Variants in DNAH17 observed in about 807,000 individuals in gnomAD.
DNAH17 encodes dynein axonemal heavy chain 17.
Under a neutral mutation model 485.6 loss-of-function variants are expected in DNAH17, and 376 were observed. The observed-to-expected ratio is 0.77, with a 90% CI of 0.71 to 0.84. The LOEUF (loss-of-function observed/expected upper bound fraction) is 0.84, where lower values mean the gene tolerates loss of function less well. Among genes scored for constraint, DNAH17 ranks in the 40% least tolerant of loss-of-function variants. The probability of loss-of-function intolerance (pLI) is 0.00; values close to 1 mark genes in which losing one functional copy is unlikely to be tolerated. For missense variants in DNAH17, 6,370 were observed against 5,839.3 expected (o/e 1.09, Z -2.96); for synonymous variants, 3,031 against 2,405.9 (o/e 1.26, Z -7.60).
intron 13 of DNAH17, among the ~76,000 whole-genome samples, chr17:78,559,846 T>G (rs55836228): frequency 2.0e-5 from 3 of 151,786 alleles, no homozygotes; most frequent in Admixed American, 1.3e-4. Flanking sequence ...TTGCTGCTCC[T>G]GGACTGCACC....
Position 78,567,275 on chromosome 17 carries a change from C to A in DNAH17, c.1285-109G>T, listed in dbSNP as rs2092282814. The A allele has an allele frequency of 8.5e-6, 10 of 1,171,830 alleles. No individual in the cohort carries two copies. In the East Asian group the frequency reaches 1.8e-4, roughly 21 times the overall value. 72.6% of individuals were successfully genotyped at this position (1,171,830 alleles called of 1,614,324 possible). On this transcript the variant is annotated intron_variant, in intron 9 of 80. Coordinates refer to ENST00000389840, the MANE Select transcript of DNAH17 (RefSeq NM_173628.4). The stretch of plus-strand genomic sequence containing the variant: ...AGGAGGAGCTGGGGAGCAAAATGTC[C>A]CCAGGAGACACCAACCATGGGGGTG...
chr17:78,467,449 G>A (rs1011641763), intron 55 of DNAH17, among the ~76,000 whole-genome samples: 4 of 152,240 alleles, frequency 2.6e-5, no homozygotes, highest in Admixed American at 2.6e-4. Context: ...GGACAGAGCC[G>A]GCACTGGCAG....
chr17:78,427,963 T>C (rs2086534176), intron 77 of DNAH17, among the ~76,000 whole-genome samples: 1 of 36,638 alleles, frequency 2.7e-5, no homozygotes, highest in Non-Finnish European at 5.1e-5. Context: ...CAAAACTCCG[T>C]CTCAAAAAAA....
At chr17:78,552,492 T>G (rs2091923854) in intron 15 of DNAH17, among the ~76,000 whole-genome samples, 1 of 150,626 alleles carries the variant, frequency 6.6e-6, no homozygotes, top group Admixed American at 6.7e-5. Context: ...CGGATTCCGT[T>G]TCTAAGTGAC....
At position 78,456,504 on chromosome 17, in the gene DNAH17, T is replaced by TG. The variant is rs200898624; in HGVS notation, c.9978-669dup. On this transcript the variant is annotated intron_variant, in intron 62 of 80. Coordinates refer to ENST00000389840, the MANE Select transcript of DNAH17 (RefSeq NM_173628.4). ...ACAGAGCACTGTCTCGACCAGCTGG[T>TG]GACAGAGCCCGGGTGAGGACCACGG... Among the ~76,000 whole-genome samples the TG allele has an allele frequency of 7.4e-3, 1,121 of 152,158 alleles. 16 individuals are homozygous for TG. Among genetic ancestry groups the TG allele is most frequent in the African/African-American group, 0.025 (1,032 of 41,500 alleles).
chr17:78,541,306 GGTGA>G (rs1431043836), intron 17 of DNAH17, among the ~76,000 whole-genome samples: 1 of 111,536 alleles, frequency 9.0e-6, no homozygotes, highest in South Asian at 3.6e-4. Flanking sequence ...GGGGTGGGTG[GGTGA>G]GTGAGTGGAT....
chr17:78,453,522 C>A, intron 64 of DNAH17, 57 bp from the exon 65 acceptor site: 1 of 1,599,278 alleles, frequency 6.3e-7, no homozygotes, highest in African/African-American at 1.3e-5. Context: ...TGGAACGGTG[C>A]GCACGCTCCG....
intron 20 of DNAH17, among the ~76,000 whole-genome samples, chr17:78,531,059 C>T (rs2091222851): frequency 6.6e-6 from 1 of 152,156 alleles, no homozygotes; most frequent in Non-Finnish European, 1.5e-5. Flanking sequence ...TCTGTTGGTC[C>T]CTGTGATCTA....
chr17:78,426,440 G>T lies in DNAH17; in HGVS notation c.12915+17C>A. ...TCCCCGAGTCTTAGGAAGCCTCTCA[G>T]AGAAAACGGCACTTACCCTGATGCG... On this transcript the variant is annotated intron_variant, in intron 79 of 80. Coordinates refer to ENST00000389840, the MANE Select transcript of DNAH17 (RefSeq NM_173628.4). The T allele has an allele frequency of 6.3e-7, 1 of 1,580,166 alleles. No homozygotes were observed. The highest frequency in any genetic ancestry group is 1.1e-5 in the South Asian group (1 of 87,006).
At chr17:78,461,461 G>A (rs1156765209) in intron 58 of DNAH17, 83 bp downstream of exon 58, 4 of 1,351,852 alleles carry the variant, frequency 3.0e-6, no homozygotes, top group Non-Finnish European at 3.9e-6. Context: ...GCCTGTCGGT[G>A]GCACCTGACC....
chr17:78,504,492 ACCCCAT>A (rs2090419677), intron 31 of DNAH17, among the ~76,000 whole-genome samples: 1 of 90,230 alleles, frequency 1.1e-5, no homozygotes, highest in Non-Finnish European at 2.5e-5. Context: ...CACCCCACCC[ACCCCAT>A]CCACGTAGAG....
At chr17:78,565,526 C>T (rs564067626) in intron 11 of DNAH17, among the ~76,000 whole-genome samples, 25 of 152,340 alleles carry the variant, frequency 1.6e-4, no homozygotes, top group African/African-American at 6.0e-4. Context: ...CCAGCCCAGG[C>T]TGCCCAGGCC....
In DNAH17 at chr17:78,475,738, C is replaced by G; in HGVS notation, c.8250G>C (p.Met2750Ile). ...CCACGAGGAGCTTGTTCAGAGGAGC[C>G]ATGTCGGTTACAGGAACATATTTGG... ...GDPKYVPVTD[M>I]APLNKLLVDV... is the part of the protein sequence containing the mutation. The change falls in exon 53 of 81, where the codon ATG becomes ATC. Residue 2750 changes from methionine (M) to isoleucine (I), a missense_variant. Transcript: ENST00000389840. 7 of 1,613,818 alleles carry G rather than the reference C, an allele frequency of 4.3e-6. No individual in the cohort carries two copies. Among genetic ancestry groups the G allele is most frequent in the Non-Finnish European group, 5.1e-6 (6 of 1,179,846 alleles).
rs1288724205 is a variant in DNAH17 at position 78,570,350 on chromosome 17, A to AC, written c.940dup (p.Val314GlyfsTer13). The AC allele has an allele frequency of 1.9e-6, 3 of 1,610,702 alleles. No individual in the cohort carries two copies. Among genetic ancestry groups the AC allele is most frequent in the Non-Finnish European group, 2.5e-6 (3 of 1,178,898 alleles). ...CCAGATGAAGCAGATGGTGTCCAGCACCTTGGCAATGAAGGTGGGGAGCTG... is the reference window on the plus strand; with the variant it reads ...CCAGATGAAGCAGATGGTGTCCAGCACCCTTGGCAATGAAGGTGGGGAGCTG... On this transcript the variant is annotated frameshift_variant, in exon 7 of 81. Coordinates refer to ENST00000389840, the MANE Select transcript of DNAH17 (RefSeq NM_173628.4). LOFTEE classifies it high-confidence loss of function.
chr17:78,499,344 C>A (rs1276373276), intron 36 of DNAH17: 1 of 377,092 alleles, frequency 2.7e-6, no homozygotes, highest in East Asian at 4.1e-5. Flanking sequence ...GCCTCCCAGA[C>A]CCCAGGATGG....
chr17:78,448,645 T>C (rs974101492), intron 69 of DNAH17, among the ~76,000 whole-genome samples: 1 of 152,340 alleles, frequency 6.6e-6, no homozygotes, highest in East Asian at 1.9e-4. Flanking sequence ...AAAAAGCATA[T>C]GTTGGAAACT....
intron 48 of DNAH17, among the ~76,000 whole-genome samples, chr17:78,484,147 C>T (rs557866778): frequency 1.4e-4 from 19 of 137,764 alleles, no homozygotes; most frequent in African/African-American, 4.8e-4. Context: ...TGAATGTTCT[C>T]ATCTTTCCAA....
At chr17:78,526,192 A>G (rs78869408) in intron 24 of DNAH17, among the ~76,000 whole-genome samples, 7,945 of 152,348 alleles carry the variant, frequency 0.052, 252 homozygotes, top group African/African-American at 0.06. Flanking sequence ...CAGTGGGAAC[A>G]GAGTGGGAAC....
chr17:78,559,336 C>A (rs2092101039), intron 13 of DNAH17, among the ~76,000 whole-genome samples: 1 of 152,220 alleles, frequency 6.6e-6, no homozygotes, highest in Non-Finnish European at 1.5e-5. Flanking sequence ...CACAGCAGCC[C>A]ATCCTCCCCT....
Sources: allele counts gnomAD v4.1 joint callset (sites outside exome capture counted in the v4.1 genomes callset), GRCh38; gene constraint gnomAD v4.1.1; transcripts MANE v1.5; gene names NCBI Gene and HGNC (gene_info 2026-07-23, HGNC 2026-07-21).